Variants in CALCOCO2 observed in about 807,000 individuals in gnomAD.
CALCOCO2 encodes calcium-binding and coiled-coil domain-containing protein 2.
A neutral mutation model predicts 62.5 loss-of-function variants in CALCOCO2; 42 were observed. That is an observed-to-expected ratio of 0.67 (90% CI 0.53 to 0.87). The LOEUF (loss-of-function observed/expected upper bound fraction) is 0.87, where lower values mean the gene tolerates loss of function less well. CALCOCO2 is among the 40% of genes least tolerant of loss of function. CALCOCO2 has a pLI of 0.00. For missense variants in CALCOCO2, 456 were observed against 515.0 expected (o/e 0.89, Z 1.11); for synonymous variants, 167 against 173.0 (o/e 0.97, Z 0.27).
chr17:48,856,704 T>C, intron 10 of CALCOCO2: 2 of 442,348 alleles, frequency 4.5e-6, no homozygotes, highest in South Asian at 3.2e-5. Context: ...ACATTTATTA[T>C]TGATTGAAGA....
chr17:48,832,263 G>A (rs969456854), intron 1 of CALCOCO2, among the ~76,000 whole-genome samples: 16 of 152,110 alleles, frequency 1.1e-4, no homozygotes, highest in African/African-American at 3.9e-4. Context: ...GCGTGGTGGC[G>A]GGCGCCTGTA....
rs2040144548 is a variant in CALCOCO2 at position 48,852,277 on chromosome 17, A to G, written c.703-229A>G. The G allele has an allele frequency of 1.9e-5, 8 of 425,736 alleles. No homozygotes were observed. The East Asian group carries it at 3.0e-4, about 16-fold the overall frequency. The allele number at this position is 425,736 out of a possible 1,614,324, so 26.4% of individuals were successfully genotyped here. ...ATCAAACTTTAATCTTTTCAAGCAA[A>G]ATCGTACTCAAAAGTCTGGAATATA... On this transcript the variant is annotated intron_variant, in intron 7 of 12. Coordinates refer to ENST00000258947, the MANE Select transcript of CALCOCO2 (RefSeq NM_005831.5).
At chr17:48,834,630 T>C (rs1485549875) in intron 1 of CALCOCO2, among the ~76,000 whole-genome samples, 1 of 152,242 alleles carries the variant, frequency 6.6e-6, no homozygotes, top group Non-Finnish European at 1.5e-5. Flanking sequence ...AATTTAACTT[T>C]TGCTCTTATA....
At chr17:48,858,009 G>GAA (rs1279799113) in intron 10 of CALCOCO2, among the ~76,000 whole-genome samples, 5 of 18,086 alleles carry the variant, frequency 2.8e-4, no homozygotes, top group Non-Finnish European at 6.0e-4. Flanking sequence ...GAATAGAATA[G>GAA]AATAGAATAG....
In CALCOCO2 at chr17:48,858,054, T is replaced by TAGAATAGAATAGAATAGAATAGAATAG. The variant is rs1598045802; in HGVS notation, c.1008+1887_1008+1888insAGAATAGAGAATAGAATAGAATAGAAT. 6.4e-5 allele frequency among the ~76,000 whole-genome samples: 9 copies of TAGAATAGAATAGAATAGAATAGAATAG among 139,750 alleles called. 2 individuals are homozygous for TAGAATAGAATAGAATAGAATAGAATAG. In the East Asian group the frequency reaches 9.0e-4, roughly 14 times the overall value. The allele number at this position is 139,750 out of a possible 152,430, so 91.7% of individuals were successfully genotyped here. A position where few individuals can be genotyped will look rare whatever the true frequency, so the allele number is the denominator to read the frequency against. On this transcript the variant is annotated intron_variant, in intron 10 of 12. Coordinates refer to ENST00000258947, the MANE Select transcript of CALCOCO2 (RefSeq NM_005831.5). Reference sequence around the variant, plus strand: ...GAATAGAATAGAATAGAAAATAGAATAGAATAGAATAGAATAGAATTTTAC... The same window carrying TAGAATAGAATAGAATAGAATAGAATAG: ...GAATAGAATAGAATAGAAAATAGAATAGAATAGAATAGAATAGAATAGAATAGAGAATAGAATAGAATAGAATTTTAC...
At chr17:48,851,305 C>T (rs902838111) in intron 6 of CALCOCO2, 128 bp downstream of exon 6, 1 of 670,970 alleles carries the variant, frequency 1.5e-6, no homozygotes, top group Non-Finnish European at 2.7e-6. Context: ...TGATTCTCCA[C>T]CCTTTGAATC....
rs1598045802 is a variant in CALCOCO2 at position 48,858,054 on chromosome 17, T to TAGAATAGAATAGAATAGAATAG, written c.1008+1887_1008+1888insAGAGAATAGAATAGAATAGAAT. On this transcript the variant is annotated intron_variant, in intron 10 of 12. Transcript: ENST00000258947. ...GAATAGAATAGAATAGAAAATAGAA[T>TAGAATAGAATAGAATAGAATAG]AGAATAGAATAGAATAGAATTTTAC... 8.6e-5 allele frequency among the ~76,000 whole-genome samples: 12 copies of TAGAATAGAATAGAATAGAATAG among 139,752 alleles called. 2 individuals carry two copies. Among genetic ancestry groups the TAGAATAGAATAGAATAGAATAG allele is most frequent in the East Asian group, 2.2e-4 (1 of 4,460 alleles). 91.7% of individuals were successfully genotyped at this position (139,752 alleles called of 152,430 possible).
At position 48,831,036 on chromosome 17, in the gene CALCOCO2, C is replaced by G. The variant is rs2039803038; in HGVS notation, c.-53C>G. The G allele has an allele frequency of 6.6e-6, 1 of 152,350 alleles. No homozygotes were observed. The allele number at this position is 152,350 out of a possible 1,614,324, so 9.4% of individuals were successfully genotyped here. A position where few individuals can be genotyped will look rare whatever the true frequency, so the allele number is the denominator to read the frequency against. On this transcript the variant is annotated 5_prime_UTR_variant, in exon 1 of 13. Coordinates refer to ENST00000258947, the MANE Select transcript of CALCOCO2 (RefSeq NM_005831.5). The stretch of plus-strand genomic sequence containing the variant: ...GGTGCTTAGCCCCGCCCCCGTCCCA[C>G]TCTGCCCTGTTGCTGTCGCGCCGCT...
At chr17:48,852,063 C>T (rs1054088467) in intron 7 of CALCOCO2, among the ~76,000 whole-genome samples, 2 of 151,288 alleles carry the variant, frequency 1.3e-5, no homozygotes, top group Admixed American at 6.6e-5. Flanking sequence ...ACTTGAGCCC[C>T]GGAGGCAAAG....
At chr17:48,858,695 TG>T (rs538439174) in intron 10 of CALCOCO2, among the ~76,000 whole-genome samples, 16 of 147,968 alleles carry the variant, frequency 1.1e-4, no homozygotes, top group East Asian at 2.0e-4. Context: ...AGTTTGATTG[TG>T]GGGGGGGGCA....
chr17:48,839,190 G>T (rs1007585492), intron 1 of CALCOCO2, among the ~76,000 whole-genome samples: 3 of 150,908 alleles, frequency 2.0e-5, no homozygotes, highest in African/African-American at 7.3e-5. Flanking sequence ...TGTGTTTTTA[G>T]TAGAGACGGG....
At chr17:48,859,075 A>AAAAAAAATT (rs2040288148) in intron 10 of CALCOCO2, among the ~76,000 whole-genome samples, 1 of 139,970 alleles carries the variant, frequency 7.1e-6, no homozygotes, top group Non-Finnish European at 1.5e-5. Flanking sequence ...AAAAAAAAAG[A>AAAAAAAATT]ACTGTAGTAA....
intron 1 of CALCOCO2, among the ~76,000 whole-genome samples, chr17:48,841,259 A>AT (rs1458869170): frequency 6.6e-6 from 1 of 152,216 alleles, no homozygotes; most frequent in Admixed American, 6.5e-5. Flanking sequence ...GGTCCTGATA[A>AT]TTATAGGATA....
chr17:48,843,361 G>A (rs2040001739), intron 2 of CALCOCO2, among the ~76,000 whole-genome samples: 1 of 152,014 alleles, frequency 6.6e-6, no homozygotes, highest in Non-Finnish European at 1.5e-5. Context: ...AATTTACACT[G>A]CCAACTCCCA....
At chr17:48,847,910 C>T (rs1283675956) in intron 2 of CALCOCO2, 154 bp from the exon 3 acceptor site, 14 of 563,046 alleles carry the variant, frequency 2.5e-5, no homozygotes, top group Admixed American at 2.3e-4. Context: ...CCACCTTGGC[C>T]TCCCAAAGTG....
chr17:48,849,441 C>T, intron 5 of CALCOCO2, 64 bp downstream of exon 5: 1 of 1,382,394 alleles, frequency 7.2e-7, no homozygotes. Flanking sequence ...TGCCTCTTAT[C>T]CAGCACCATA....
In CALCOCO2 at chr17:48,862,998, C is replaced by G; in HGVS notation, c.1334C>G (p.Ser445Cys). The G allele has an allele frequency of 6.2e-7, 1 of 1,609,690 alleles. No homozygotes were observed. Among genetic ancestry groups the G allele is most frequent in the East Asian group, 2.2e-5 (1 of 44,854 alleles). ...QIFEDHVFCHSL is the reference protein window; with the variant it reads ...QIFEDHVFCHCL ...TTTGAAGACCACGTGTTCTGCCACT[C>G]TCTCTGAGTATCCCAACCTCTTGGA... The change falls in exon 13 of 13, where the codon TCT becomes TGT. Residue 445 changes from serine to cysteine, a missense_variant. Physicochemically the swap from Ser to Cys is moderately radical, Grantham distance 112. Coordinates refer to ENST00000258947, the MANE Select transcript of CALCOCO2 (RefSeq NM_005831.5).
chr17:48,851,722 G>A (rs1211908177), intron 7 of CALCOCO2, 94 bp downstream of exon 7: 4 of 758,690 alleles, frequency 5.3e-6, no homozygotes, highest in Admixed American at 3.7e-5. Context: ...ATTGCAGTGA[G>A]TGCCTAATGG....
Position 48,860,375 on chromosome 17 carries a change from C to G in CALCOCO2, c.1070C>G (p.Pro357Arg). 1 of 1,613,062 alleles carries G rather than the reference C, an allele frequency of 6.2e-7. No individual in the cohort carries two copies. Among genetic ancestry groups the G allele is most frequent in the Non-Finnish European group, 8.5e-7 (1 of 1,179,116 alleles). Reference sequence around the variant, plus strand: ...ATGGGTCTGGATTTTAATTCTTTGCCGTATCAAGTACCTACTTCAGATGAA... The same window carrying G: ...ATGGGTCTGGATTTTAATTCTTTGCGGTATCAAGTACCTACTTCAGATGAA... ...SYMGLDFNSL[P>R]YQVPTSDEGG... is the part of the protein sequence containing the mutation. Residue 357 changes from proline to arginine, a missense_variant, in exon 11 of 13, where the codon CCG becomes CGG. Around this residue, in one of 3 missense-constraint regions of CALCOCO2, gnomAD observed 172 missense variants for 210.3 expected, o/e 0.82. Coordinates refer to ENST00000258947, the MANE Select transcript of CALCOCO2 (RefSeq NM_005831.5).
Sources: allele counts gnomAD v4.1 joint callset (sites outside exome capture counted in the v4.1 genomes callset), GRCh38; gene constraint gnomAD v4.1.1; regional missense constraint gnomAD v4.1.1; transcripts MANE v1.5; gene names NCBI Gene and HGNC (gene_info 2026-07-23, HGNC 2026-07-21).